Variants in TRAPPC3L observed in about 807,000 individuals in gnomAD.
TRAPPC3L encodes trafficking protein particle complex subunit 3-like protein.
A neutral mutation model predicts 23.7 loss-of-function variants in TRAPPC3L; 23 were observed. That is an observed-to-expected ratio of 0.97 (90% CI 0.70 to 1.37). TRAPPC3L has a LOEUF of 1.37. Among genes scored for constraint, TRAPPC3L ranks in the 40% most tolerant of loss-of-function variants. TRAPPC3L has a pLI of 0.00. For synonymous variants in TRAPPC3L, 81 were observed against 77.9 expected (o/e 1.04, Z -0.21); for missense variants, 212 against 216.8 (o/e 0.98, Z 0.14).
chr6:116,511,183 G>GAGATATATATATATATAT (rs371971656), intron 3 of TRAPPC3L, among the ~76,000 whole-genome samples: 2 of 141,516 alleles, frequency 1.4e-5, no homozygotes, highest in Admixed American at 1.4e-4. Context: ...AAAAGCTATT[G>GAGATATATATATATATAT]ATATATATAT....
At chr6:116,529,251 C>T (rs1327538616) in intron 3 of TRAPPC3L, 1 of 152,260 alleles carries the variant, frequency 6.6e-6, no homozygotes, top group African/African-American at 2.4e-5. Context: ...CGTTCCAATA[C>T]CTGGGTTTCC....
intron 3 of TRAPPC3L, among the ~76,000 whole-genome samples, chr6:116,512,579 A>G (rs1195678984): frequency 6.6e-6 from 1 of 152,240 alleles, no homozygotes; most frequent in East Asian, 1.9e-4. Context: ...CAGAGCTGTA[A>G]TTAGAAATTA....
chr6:116,504,260 C>T (rs1031038250), intron 3 of TRAPPC3L, among the ~76,000 whole-genome samples: 2 of 152,162 alleles, frequency 1.3e-5, no homozygotes, highest in East Asian at 3.8e-4. Context: ...CACCTCTACG[C>T]AAATAAACTA....
intron 3 of TRAPPC3L, among the ~76,000 whole-genome samples, chr6:116,527,514 C>CAAAA (rs1278493166): frequency 8.2e-5 from 2 of 24,512 alleles, no homozygotes; most frequent in Non-Finnish European, 1.7e-4. Flanking sequence ...GACTCCGTCT[C>CAAAA]AAAACAAAAA....
chr6:116,520,051 T>C (rs970233407), intron 3 of TRAPPC3L: 1 of 152,188 alleles, frequency 6.6e-6, no homozygotes, highest in Admixed American at 6.5e-5. Context: ...AATATATGTG[T>C]CCAAAGCAAC....
chr6:116,534,474 T>C (rs2115206088), intron 3 of TRAPPC3L, among the ~76,000 whole-genome samples: 1 of 152,320 alleles, frequency 6.6e-6, no homozygotes, highest in African/African-American at 2.4e-5. Context: ...AAAATATGAC[T>C]AGTATGATTT....
chr6:116,531,513 C>A (rs887296482), intron 3 of TRAPPC3L, among the ~76,000 whole-genome samples: 4 of 152,090 alleles, frequency 2.6e-5, no homozygotes, highest in Non-Finnish European at 4.4e-5. Flanking sequence ...TCAAGATAGA[C>A]TAAAACTGTA....
chr6:116,534,866 A>C (rs936475401), intron 3 of TRAPPC3L, among the ~76,000 whole-genome samples: 1 of 152,194 alleles, frequency 6.6e-6, no homozygotes, highest in Non-Finnish European at 1.5e-5. Context: ...AAACCTAAAA[A>C]TCGGGGTTTC....
chr6:116,542,069 C>T (rs1273069877), intron 2 of TRAPPC3L, among the ~76,000 whole-genome samples: 1 of 152,042 alleles, frequency 6.6e-6, no homozygotes, highest in Non-Finnish European at 1.5e-5. Context: ...TTTTATTATT[C>T]ACAGCTTTTT....
chr6:116,520,137 C>T (rs1004619553), intron 3 of TRAPPC3L: 3 of 152,070 alleles, frequency 2.0e-5, no homozygotes, highest in South Asian at 2.1e-4. Context: ...AATGAGAAAA[C>T]GATGACATTA....
At chr6:116,514,978 A>G (rs913685933) in intron 3 of TRAPPC3L, among the ~76,000 whole-genome samples, 1 of 152,236 alleles carries the variant, frequency 6.6e-6, no homozygotes, top group Non-Finnish European at 1.5e-5. Context: ...AGGGGAGAAA[A>G]GCTGAACCAT....
chr6:116,538,863 T>C (rs979539079), intron 3 of TRAPPC3L, among the ~76,000 whole-genome samples: 2 of 152,010 alleles, frequency 1.3e-5, no homozygotes, highest in Non-Finnish European at 2.9e-5. Context: ...TTCTGAGTTG[T>C]TGGGACTACA....
rs1387641143 is a variant in TRAPPC3L at position 116,496,238 on chromosome 6, A to T, written c.*716T>A. 6.6e-6 allele frequency: 1 copy of T among 152,210 alleles called. No individual in the cohort carries two copies. The highest frequency in any genetic ancestry group is 1.5e-5 in the Non-Finnish European group (1 of 68,030). The allele number at this position is 152,210 out of a possible 1,614,324, so 9.4% of individuals were successfully genotyped here. A position where few individuals can be genotyped will look rare whatever the true frequency, so the allele number is the denominator to read the frequency against. ...TGGGGTAAGAAAGTAATTTCAAAGA[A>T]TATTATTTATCCTTTATTTTAGAAG... On this transcript the variant is annotated 3_prime_UTR_variant, in exon 5 of 5. Coordinates refer to ENST00000368602, the MANE Select transcript of TRAPPC3L (RefSeq NM_001139444.3).
intron 3 of TRAPPC3L, chr6:116,520,955 T>G (rs1772323758): frequency 6.6e-6 from 1 of 151,848 alleles, no homozygotes; most frequent in African/African-American, 2.4e-5. Context: ...AGCTAAGCAA[T>G]TTTGGAGTAT....
At chr6:116,523,233 C>G (rs1192736005) in intron 3 of TRAPPC3L, 8 of 152,098 alleles carry the variant, frequency 5.3e-5, no homozygotes. Context: ...TTTGGGGTGC[C>G]TTTCCATTCA....
chr6:116,531,762 G>A (rs577295450), intron 3 of TRAPPC3L, among the ~76,000 whole-genome samples: 9 of 151,766 alleles, frequency 5.9e-5, no homozygotes, highest in Non-Finnish European at 1.3e-4. Flanking sequence ...AATCACAGTT[G>A]ACCTCAGAGT....
intron 1 of TRAPPC3L, among the ~76,000 whole-genome samples, chr6:116,544,661 C>G (rs1016909866): frequency 1.3e-5 from 2 of 152,042 alleles, no homozygotes; most frequent in Non-Finnish European, 2.9e-5. Flanking sequence ...ATAATATGAA[C>G]TATGTACCAT....
intron 3 of TRAPPC3L, among the ~76,000 whole-genome samples, chr6:116,513,966 CACTT>C (rs1271650189): frequency 1.3e-5 from 2 of 152,152 alleles, no homozygotes; most frequent in African/African-American, 4.8e-5. Flanking sequence ...GTGGTAATAT[CACTT>C]ACTTTGGAGA....
chr6:116,532,265 C>CA (rs1554236225), intron 3 of TRAPPC3L, among the ~76,000 whole-genome samples: 13 of 151,926 alleles, frequency 8.6e-5, no homozygotes, highest in African/African-American at 3.1e-4. Flanking sequence ...TCTTTTTTGT[C>CA]TTTTTTTTCC....
Sources: allele counts gnomAD v4.1 joint callset (sites outside exome capture counted in the v4.1 genomes callset), GRCh38; gene constraint gnomAD v4.1.1; transcripts MANE v1.5; gene names NCBI Gene and HGNC (gene_info 2026-07-23, HGNC 2026-07-21).